SYNJ2: variants seen among roughly 807,000 people sequenced by gnomAD.
SYNJ2 encodes synaptojanin 2, also known as polyphosphatidylinositol phosphatase SYNJ2.
In SYNJ2, 116 loss-of-function variants were observed where a neutral mutation model predicts 141.3. The ratio of observed to expected loss-of-function variants is 0.82; its 90% confidence interval spans 0.71 to 0.96. The LOEUF is 0.96. SYNJ2 is among the 40% of genes least tolerant of loss of function. The pLI is 0.00. For missense variants in SYNJ2, 1,873 were observed against 1,934.8 expected, an observed-to-expected ratio of 0.97 and a Z score of 0.60; for synonymous variants, 745 against 777.7, an observed-to-expected ratio of 0.96 and a Z score of 0.70.
chr6:158,074,581 G>T lies in SYNJ2; in HGVS notation c.2135G>T (p.Gly712Val), dbSNP rs140940655. 1 of 1,611,062 alleles carries T rather than the reference G, an allele frequency of 6.2e-7. No homozygotes were observed. Among genetic ancestry groups the T allele is most frequent in the African/African-American group, 1.3e-5 (1 of 74,724 alleles). ...EITQKLCFPMGRNVFSHDYVF... is the reference protein window; with the variant it reads ...EITQKLCFPMVRNVFSHDYVF... Reference sequence around the variant, plus strand: ...ATTATGATTTTCTTTTCAACTTAGGGGAGAAATGTTTTTTCTCATGATTAT... The same window carrying T: ...ATTATGATTTTCTTTTCAACTTAGGTGAGAAATGTTTTTTCTCATGATTAT... The change falls in exon 16 of 27, where the codon GGG becomes GTG. Residue 712 changes from glycine to valine, a missense_variant and splice_region_variant. Gly to Val is a moderately radical substitution (Grantham distance 109, BLOSUM62 -3). Coordinates refer to ENST00000355585, the MANE Select transcript of SYNJ2 (RefSeq NM_003898.4).
Position 158,033,693 on chromosome 6 carries a change from G to GC in SYNJ2, c.711+16dup. 1 of 1,592,338 alleles carries GC rather than the reference G, an allele frequency of 6.3e-7. No individual in the cohort carries two copies. Among genetic ancestry groups the GC allele is most frequent in the Non-Finnish European group, 8.6e-7 (1 of 1,167,904 alleles). ...GGAGACAGAGCAGGTGAGTGCCCAG[G>GC]CCCATCTGTGGCACCAAATGGTTCC... On this transcript the variant is annotated intron_variant, in intron 4 of 26. Coordinates refer to ENST00000355585, the MANE Select transcript of SYNJ2 (RefSeq NM_003898.4).
rs764849827 is a variant in SYNJ2 at position 158,071,615 on chromosome 6, G to A, written c.1954G>A (p.Asp652Asn). The change falls in exon 15 of 27, where the codon GAC (aspartate) becomes AAC (asparagine). Residue 652 changes from aspartate (D) to asparagine (N), a missense_variant. Asp to Asn is a conservative substitution (Grantham distance 23). Transcript: ENST00000355585. This position sits in a 1 kb window ranked among gnomAD's most constrained non-coding sequence, Gnocchi z 4.3. Reference protein sequence around the residue: ...HVPFIRDVAIDTVKTGMGGKA... With the variant: ...HVPFIRDVAINTVKTGMGGKA... ...CTTCTGTTCCAGGGACGTAGCCATCGACACAGTGAAGACGGGCATGGGGGG... is the reference window on the plus strand; with the variant it reads ...CTTCTGTTCCAGGGACGTAGCCATCAACACAGTGAAGACGGGCATGGGGGG... The A allele has an allele frequency of 4.0e-5, 64 of 1,613,798 alleles. No homozygotes were observed. The highest frequency in any genetic ancestry group is 5.1e-5 in the Non-Finnish European group (60 of 1,179,998).
chr6:157,999,996 T>G (rs1370534214), intron 1 of SYNJ2, among the ~76,000 whole-genome samples: 1 of 149,476 alleles, frequency 6.7e-6, no homozygotes, highest in Non-Finnish European at 1.5e-5. Context: ...CACCTCGGCA[T>G]GCAGTTTGGG....
At chr6:158,033,756 G>A (rs1779498478) in intron 4 of SYNJ2, 76 bp downstream of exon 4, 3 of 1,425,448 alleles carry the variant, frequency 2.1e-6, no homozygotes, top group Non-Finnish European at 2.9e-6. Context: ...TTTCCACTTG[G>A]GGCAGAAGAG....
In SYNJ2 at chr6:158,064,763, CGAGGG is replaced by C; in HGVS notation, c.1359+15_1359+19del. On this transcript the variant is annotated intron_variant, in intron 10 of 26. Coordinates refer to ENST00000355585, the MANE Select transcript of SYNJ2 (RefSeq NM_003898.4). ...AGGGAAGGCCAAGGTAGGGCCCCGC[CGAGGG>C]GGCAGGGTGGGGGCCCCAGGGACCC... 6.2e-7 allele frequency: 1 copy of C among 1,613,106 alleles called. No individual in the cohort carries two copies. The highest frequency in any genetic ancestry group is 8.5e-7 in the Non-Finnish European group (1 of 1,179,624).
At chr6:158,080,965 T>C in intron 18 of SYNJ2, 144 bp from the exon 19 acceptor site, 1 of 752,558 alleles carries the variant, frequency 1.3e-6, no homozygotes, top group South Asian at 1.6e-5. Flanking sequence ...GTGTTGACTG[T>C]TTACAAAGAG....
At chr6:157,996,055 C>G (rs554483336) in intron 1 of SYNJ2, among the ~76,000 whole-genome samples, 1 of 152,190 alleles carries the variant, frequency 6.6e-6, no homozygotes, top group African/African-American at 2.4e-5. Flanking sequence ...ATGAGTAAAT[C>G]CAATTAAATT....
intron 5 of SYNJ2, among the ~76,000 whole-genome samples, chr6:158,044,253 A>G (rs1488966806): frequency 6.6e-6 from 1 of 152,150 alleles, no homozygotes; most frequent in Non-Finnish European, 1.5e-5. Context: ...GGGGTGTTTG[A>G]CAACGCTGGA....
chr6:158,074,923 CT>C (rs66487650), intron 16 of SYNJ2, among the ~76,000 whole-genome samples, 185 bp downstream of exon 16: 3,225 of 143,080 alleles, frequency 0.023, 91 homozygotes, highest in African/African-American at 0.076. Flanking sequence ...ACTTCCTGTC[CT>C]TTTTTTTTTT....
At chr6:158,073,698 A>G (rs902466644) in intron 15 of SYNJ2, among the ~76,000 whole-genome samples, 5 of 152,138 alleles carry the variant, frequency 3.3e-5, no homozygotes, top group African/African-American at 1.2e-4. Context: ...GTTCTGTCTG[A>G]CAGTGTTATC....
intron 1 of SYNJ2, among the ~76,000 whole-genome samples, chr6:158,004,178 C>T (rs926618772): frequency 1.3e-5 from 2 of 152,154 alleles, no homozygotes; most frequent in Non-Finnish European, 1.5e-5. Context: ...AGAGCGACTC[C>T]ATCTTGAATA....
At chr6:157,998,907 C>T (rs1777731488) in intron 1 of SYNJ2, among the ~76,000 whole-genome samples, 1 of 152,214 alleles carries the variant, frequency 6.6e-6, no homozygotes, top group African/African-American at 2.4e-5. Flanking sequence ...CCCTGCCTCC[C>T]ATTCCCCCTG....
chr6:157,983,492 AC>A (rs1777086327), intron 1 of SYNJ2, among the ~76,000 whole-genome samples: 2 of 152,238 alleles, frequency 1.3e-5, no homozygotes, highest in Non-Finnish European at 2.9e-5. Context: ...GTACAAAACT[AC>A]TGTTTCATCA....
chr6:158,063,718 A>G lies in SYNJ2; in HGVS notation c.1128-73A>G, dbSNP rs539171298. 125 of 1,150,364 alleles carry G rather than the reference A, an allele frequency of 1.1e-4. 1 individual carries two copies. Among genetic ancestry groups the G allele is most frequent in the Middle Eastern group, 4.0e-4 (2 of 4,956 alleles). 71.3% of individuals were successfully genotyped at this position (1,150,364 alleles called of 1,614,324 possible). A position where few individuals can be genotyped will look rare whatever the true frequency, so the allele number is the denominator to read the frequency against. ...TTTCCTTGGGAGTCAAAAGTCAGAC[A>G]TGGGCCTCTGTGCTATGGCCACTGC... On this transcript the variant is annotated intron_variant, in intron 8 of 26. Transcript: ENST00000355585.
At chr6:158,026,832 G>A in intron 2 of SYNJ2, 2 of 985,426 alleles carry the variant, frequency 2.0e-6, no homozygotes, top group Non-Finnish European at 2.4e-6. Context: ...TGTCAGAAGA[G>A]GCAGGTGGGT....
chr6:158,084,768 C>T lies in SYNJ2; in HGVS notation c.3208+594C>T, dbSNP rs549817338. Among the ~76,000 whole-genome samples, 69 of 152,114 alleles carry T rather than the reference C, an allele frequency of 4.5e-4. 1 individual carries two copies. Among genetic ancestry groups the T allele is most frequent in the Non-Finnish European group, 8.8e-4 (60 of 68,006 alleles). ...CAGAGGCTGCAATGAGCCGAGATCG[C>T]CCCACTGCACTCCAGCTTGGGTGAC... is the stretch of plus-strand genomic sequence containing the variant. On this transcript the variant is annotated intron_variant, in intron 22 of 26. Transcript: ENST00000355585. The surrounding 1 kb of genome is among the most constrained non-coding windows in gnomAD (Gnocchi z 5.0).
chr6:158,096,303 C>T lies in SYNJ2; in HGVS notation c.4430C>T (p.Thr1477Ile). The change falls in exon 27 of 27, where the codon ACA becomes ATA. Residue 1477 changes from threonine (T) to isoleucine (I), a missense_variant. By Grantham distance (89) the Thr-to-Ile change is moderately conservative. Coordinates refer to ENST00000355585, the MANE Select transcript of SYNJ2 (RefSeq NM_003898.4). ...HEHKTLGHWV[T>I]ISDQEKRTAL... ...CACAAAACCTTAGGTCACTGGGTGA[C>T]AATCAGTGACCAAGAAAAGAGGACA... The T allele has an allele frequency of 6.2e-7, 1 of 1,613,742 alleles. No individual in the cohort carries two copies. The highest frequency in any genetic ancestry group is 8.5e-7 in the Non-Finnish European group (1 of 1,179,954).
In SYNJ2 at chr6:158,027,144, G is replaced by A. The variant is rs1020566138; in HGVS notation, c.215-1612G>A. On this transcript the variant is annotated intron_variant, in intron 2 of 26. Coordinates refer to ENST00000355585, the MANE Select transcript of SYNJ2 (RefSeq NM_003898.4). This position sits in a 1 kb window ranked among gnomAD's most constrained non-coding sequence, Gnocchi z 4.6. Reference sequence around the variant, plus strand: ...CACACGCCACCCTGCCACAAGCAGCGCTCTTCTCCCTATGAAGTGTGGTGA... The same window carrying A: ...CACACGCCACCCTGCCACAAGCAGCACTCTTCTCCCTATGAAGTGTGGTGA... 8.1e-6 allele frequency: 8 copies of A among 985,278 alleles called. No homozygotes were observed. The African/African-American group carries it at 8.7e-5, about 11-fold the overall frequency. 61.0% of individuals were successfully genotyped at this position (985,278 alleles called of 1,614,324 possible). A position where few individuals can be genotyped will look rare whatever the true frequency, so the allele number is the denominator to read the frequency against.
In SYNJ2 at chr6:158,040,857, C is replaced by T. The variant is rs1042100089; in HGVS notation, c.712-2459C>T. On this transcript the variant is annotated intron_variant, in intron 4 of 26. Transcript: ENST00000355585. The surrounding 1 kb of genome is among the most constrained non-coding windows in gnomAD (Gnocchi z 4.2). Reference sequence around the variant, plus strand: ...GCACTGGCCTGGCCTCATCACAGCACTGGCACGGGCCTCCGACTTTTCTTC... The same window carrying T: ...GCACTGGCCTGGCCTCATCACAGCATTGGCACGGGCCTCCGACTTTTCTTC... 6.6e-6 allele frequency among the ~76,000 whole-genome samples: 1 copy of T among 152,200 alleles called. No homozygotes were observed. Among genetic ancestry groups the T allele is most frequent in the African/African-American group, 2.4e-5 (1 of 41,456 alleles).
Sources: gnomAD v4.1 joint callset for allele counts (sites outside exome capture counted in the v4.1 genomes callset) on GRCh38, gnomAD v4.1.1 for gene constraint, Gnocchi (gnomAD v3.1) non-coding constraint, MANE v1.5 for transcripts, NCBI Gene and HGNC (gene_info 2026-07-23, HGNC 2026-07-21) for gene names.